The following CALN1 variants were observed in gnomAD, a reference collection of about 807,000 sequenced individuals.
CALN1 encodes the protein calcium-binding protein 8.
CALN1 carries 17 observed loss-of-function variants against 30.6 expected under a neutral mutation model. The ratio of observed to expected loss-of-function variants is 0.56; its 90% confidence interval spans 0.38 to 0.83. The LOEUF (loss-of-function observed/expected upper bound fraction) is 0.83, where lower values mean the gene tolerates loss of function less well. CALN1 is among the 40% of genes least tolerant of loss of function. The probability of loss-of-function intolerance (pLI) is 0.00; values close to 1 mark genes in which losing one functional copy is unlikely to be tolerated. For missense variants in CALN1, 291 were observed against 354.9 expected (o/e 0.82, Z 1.45); for synonymous variants, 156 against 131.4 (o/e 1.19, Z -1.28).
chr7:71,997,850 C>A (rs186702126), intron 5 of CALN1, among the ~76,000 whole-genome samples: 5 of 152,036 alleles, frequency 3.3e-5, no homozygotes, highest in Non-Finnish European at 7.4e-5. Context: ...GATGGAGTTT[C>A]GCTCTTGTCC....
intron 5 of CALN1, among the ~76,000 whole-genome samples, chr7:71,980,174 G>A (rs1261473909): frequency 7.0e-6 from 1 of 143,656 alleles, no homozygotes; most frequent in African/African-American, 2.6e-5. Flanking sequence ...ACCATGCCTG[G>A]CCTCTTCTTT....
chr7:72,278,599 G>A, intron 3 of CALN1, 87 bp downstream of exon 3: 3 of 1,563,550 alleles, frequency 1.9e-6, no homozygotes, highest in Non-Finnish European at 8.7e-7. Context: ...AGTGGCCAAA[G>A]TCCAGGGCTT....
intron 1 of CALN1, among the ~76,000 whole-genome samples, chr7:72,421,131 T>C (rs990647114): frequency 2.0e-5 from 3 of 152,130 alleles, no homozygotes; most frequent in African/African-American, 7.2e-5. Flanking sequence ...AAAATGGTAA[T>C]TTATTTCAAT....
chr7:72,288,094 T>C (rs368111629), intron 2 of CALN1, among the ~76,000 whole-genome samples: 1 of 151,834 alleles, frequency 6.6e-6, no homozygotes, highest in East Asian at 1.9e-4. Flanking sequence ...TGGGTGGTTC[T>C]GGCTCAAGGA....
At chr7:72,308,402 A>G (rs1043393094) in intron 2 of CALN1, among the ~76,000 whole-genome samples, 14 of 137,694 alleles carry the variant, frequency 1.0e-4, no homozygotes, top group African/African-American at 4.2e-4. Flanking sequence ...AGAGAGAGAG[A>G]GAGGAAAGAA....
At chr7:72,374,000 AACTC>A (rs1804398440) in intron 2 of CALN1, among the ~76,000 whole-genome samples, 1 of 152,190 alleles carries the variant, frequency 6.6e-6, no homozygotes, top group South Asian at 2.1e-4. Context: ...TTAAACCAAG[AACTC>A]TATATCCAGT....
chr7:72,105,213 C>G (rs1364096388), intron 4 of CALN1, among the ~76,000 whole-genome samples: 1 of 152,152 alleles, frequency 6.6e-6, no homozygotes, highest in Non-Finnish European at 1.5e-5. Context: ...CCTGGCTCCT[C>G]CCCTGCCCCC....
intron 2 of CALN1, among the ~76,000 whole-genome samples, chr7:72,376,087 G>A (rs1804536822): frequency 6.6e-6 from 1 of 152,136 alleles, no homozygotes; most frequent in Admixed American, 6.5e-5. Flanking sequence ...TCCTTTAGTT[G>A]GCTAGTTAAT....
At chr7:72,127,051 G>C (rs931551514) in intron 3 of CALN1, among the ~76,000 whole-genome samples, 2 of 151,928 alleles carry the variant, frequency 1.3e-5, no homozygotes, top group African/African-American at 4.8e-5. Flanking sequence ...ACCCAAAGGA[G>C]AGGAAGTAGT....
At chr7:72,075,240 A>G (rs894474446) in intron 4 of CALN1, among the ~76,000 whole-genome samples, 2 of 152,212 alleles carry the variant, frequency 1.3e-5, no homozygotes, top group Admixed American at 6.5e-5. Context: ...TCTGCTTTAC[A>G]CAGTCTACCT....
At chr7:71,958,574 A>G (rs952462123) in intron 5 of CALN1, among the ~76,000 whole-genome samples, 2 of 152,174 alleles carry the variant, frequency 1.3e-5, no homozygotes, top group Non-Finnish European at 2.9e-5. Context: ...CCTTTCCTCA[A>G]AAGGACTTGC....
chr7:72,470,643 T>C, the CALN1 span, among the ~76,000 whole-genome samples: 39 of 152,114 alleles, frequency 2.6e-4, no homozygotes, highest in Admixed American at 5.9e-4. Context: ...GTAAAATGAG[T>C]TCCTTGGTAA....
intron 4 of CALN1, among the ~76,000 whole-genome samples, chr7:72,057,069 T>C (rs1205580845): frequency 6.6e-6 from 1 of 151,386 alleles, no homozygotes; most frequent in African/African-American, 2.4e-5. Flanking sequence ...GCCTCCCCAG[T>C]AGCTAGGATT....
chr7:71,941,828 T>C (rs1340683937), intron 5 of CALN1, among the ~76,000 whole-genome samples: 1 of 152,142 alleles, frequency 6.6e-6, no homozygotes, highest in African/African-American at 2.4e-5. Flanking sequence ...TAAGGGGCCA[T>C]GAGTGAGAAT....
chr7:72,415,553 A>C (rs1334924963), upstream of CALN1, among the ~76,000 whole-genome samples: 1 of 152,254 alleles, frequency 6.6e-6, no homozygotes, highest in Non-Finnish European at 1.5e-5. Flanking sequence ...ACAACTTCTA[A>C]GTTTCAAAAC....
chr7:71,807,745 G>C (rs111246138), intron 6 of CALN1, among the ~76,000 whole-genome samples: 23 of 152,082 alleles, frequency 1.5e-4, no homozygotes, highest in African/African-American at 4.8e-4. Flanking sequence ...TTCAAGACCA[G>C]CCTGGCTAAC....
At chr7:72,273,515 TTTTTTC>T (rs200833411) in intron 3 of CALN1, among the ~76,000 whole-genome samples, 24,270 of 136,124 alleles carry the variant, frequency 0.18, 3,297 homozygotes, top group East Asian at 0.51. Flanking sequence ...TTTTTTTTTT[TTTTTTC>T]TTCCCCCTAG....
At chr7:72,061,025 G>C (rs1381793715) in intron 4 of CALN1, among the ~76,000 whole-genome samples, 1 of 152,184 alleles carries the variant, frequency 6.6e-6, no homozygotes, top group Non-Finnish European at 1.5e-5. Flanking sequence ...TGGCCAACGG[G>C]TGGAGCACGA....
intron 5 of CALN1, among the ~76,000 whole-genome samples, chr7:71,997,553 A>G (rs1799316568): frequency 6.6e-6 from 1 of 152,176 alleles, no homozygotes; most frequent in African/African-American, 2.4e-5. Context: ...GAAAAACACA[A>G]ACCAAAGATG....
Sources: gnomAD v4.1 joint callset for allele counts (sites outside exome capture counted in the v4.1 genomes callset) on GRCh38, gnomAD v4.1.1 for gene constraint, MANE v1.5 for transcripts, NCBI Gene and HGNC (gene_info 2026-07-23, HGNC 2026-07-21) for gene names.